Variants in PROM1 observed in about 807,000 individuals in gnomAD.
PROM1 encodes prominin-1.
A neutral mutation model predicts 116.9 loss-of-function variants in PROM1; 105 were observed. The observed-to-expected ratio is 0.90, with a 90% CI of 0.77 to 1.06. The LOEUF (loss-of-function observed/expected upper bound fraction) is 1.06, where lower values mean the gene tolerates loss of function less well. PROM1 is among the 50% of genes least tolerant of loss of function. The pLI, the probability that PROM1 is intolerant of heterozygous loss-of-function variation, is 0.00. For synonymous variants in PROM1, 393 were observed against 387.0 expected (o/e 1.02, Z -0.18); for missense variants, 1,122 against 1,045.2 (o/e 1.07, Z -1.01).
At chr4:16,027,570 C>T (rs1343478207) in intron 5 of PROM1, among the ~76,000 whole-genome samples, 1 of 152,192 alleles carries the variant, frequency 6.6e-6, no homozygotes, top group Non-Finnish European at 1.5e-5. Flanking sequence ...CTGACCCCTC[C>T]ACCCATCCCC....
At chr4:16,039,781 C>T (rs1453624814) in intron 2 of PROM1, among the ~76,000 whole-genome samples, 1 of 151,984 alleles carries the variant, frequency 6.6e-6, no homozygotes. Context: ...TTCCTGTCTC[C>T]AAGCAGTGCA....
chr4:16,040,123 C>T (rs1012810127), intron 2 of PROM1, among the ~76,000 whole-genome samples: 3 of 152,174 alleles, frequency 2.0e-5, no homozygotes, highest in Non-Finnish European at 2.9e-5. Flanking sequence ...GCAAACGAAA[C>T]ACTACATCAA....
At chr4:16,028,899 T>C (rs567051020) in intron 5 of PROM1, among the ~76,000 whole-genome samples, 2 of 152,342 alleles carry the variant, frequency 1.3e-5, no homozygotes, top group Non-Finnish European at 2.9e-5. Flanking sequence ...TATTTTATTA[T>C]GGAAAAAACA....
chr4:16,032,426 C>T (rs1426504224), intron 5 of PROM1, among the ~76,000 whole-genome samples: 1 of 152,172 alleles, frequency 6.6e-6, no homozygotes, highest in African/African-American at 2.4e-5. Flanking sequence ...ATATCACTTC[C>T]TTAGTAAAAC....
intron 10 of PROM1, among the ~76,000 whole-genome samples, chr4:16,014,175 G>A (rs1727680672): frequency 6.6e-6 from 1 of 152,100 alleles, no homozygotes; most frequent in Non-Finnish European, 1.5e-5. Flanking sequence ...CGTCTGCCAG[G>A]GAAAAGTACA....
rs138802268 is a variant in PROM1, at chr4:16,040,779, C to T, written c.221-1778G>A. Among the ~76,000 whole-genome samples, 17 of 152,238 alleles carry T rather than the reference C, an allele frequency of 1.1e-4. No homozygotes were observed. In the East Asian group the frequency reaches 3.3e-3, roughly 29 times the overall value. On this transcript the variant is annotated intron_variant, in intron 2 of 27. Transcript: ENST00000447510. ...ACAGTGGGCACATGGTATATACCTG[C>T]TATCATTATATGAAGGAATTTAGAG...
intron 17 of PROM1, among the ~76,000 whole-genome samples, chr4:15,991,778 CA>C (rs944464948): frequency 1.7e-4 from 25 of 151,028 alleles, no homozygotes; most frequent in Non-Finnish European, 3.2e-4. Flanking sequence ...ACTAAAAATA[CA>C]AAAAAAGTTA....
chr4:16,083,957 G>C (rs1560647368), intron 1 of PROM1, 21 bp downstream of exon 1: 2 of 152,272 alleles, frequency 1.3e-5, no homozygotes, highest in Non-Finnish European at 2.9e-5. Flanking sequence ...GTAATGGAAA[G>C]GATTCCTTAA....
intron 5 of PROM1, among the ~76,000 whole-genome samples, chr4:16,027,212 C>T (rs1413714315): frequency 1.3e-5 from 2 of 152,026 alleles, no homozygotes; most frequent in Non-Finnish European, 2.9e-5. Context: ...CAATGCACTA[C>T]AGCAATAAGA....
chr4:16,056,392 C>A (rs1224131281), intron 2 of PROM1, among the ~76,000 whole-genome samples: 1 of 152,064 alleles, frequency 6.6e-6, no homozygotes, highest in Admixed American at 6.6e-5. Context: ...CGCTCTTGCA[C>A]GCAACAATTA....
intron 9 of PROM1, among the ~76,000 whole-genome samples, chr4:16,016,732 C>A (rs973170098): frequency 2.0e-5 from 3 of 152,168 alleles, no homozygotes; most frequent in African/African-American, 7.2e-5. Flanking sequence ...AATATCACTA[C>A]TGTGATAGTT....
intron 2 of PROM1, among the ~76,000 whole-genome samples, chr4:16,051,744 C>T (rs77046759): frequency 1.2e-3 from 186 of 152,274 alleles, no homozygotes; most frequent in African/African-American, 4.3e-3. Flanking sequence ...TGGTTTTTCT[C>T]CCAGCCGAGC....
intron 26 of PROM1, among the ~76,000 whole-genome samples, chr4:15,972,985 T>C (rs563808346): frequency 2.3e-4 from 35 of 152,252 alleles, no homozygotes; most frequent in African/African-American, 7.7e-4. Flanking sequence ...AGGAAGGTCC[T>C]GGCCCCCGAA....
intron 3 of PROM1, among the ~76,000 whole-genome samples, chr4:16,036,232 C>T (rs1032574201): frequency 6.6e-6 from 1 of 152,200 alleles, no homozygotes; most frequent in Non-Finnish European, 1.5e-5. Context: ...TTATTCCAAA[C>T]ATCTCAATGT....
intron 11 of PROM1, among the ~76,000 whole-genome samples, chr4:16,012,497 A>G (rs1351624910): frequency 6.6e-6 from 1 of 152,208 alleles, no homozygotes; most frequent in African/African-American, 2.4e-5. Context: ...AGCCTAAAAT[A>G]CTACTGCCTC....
intron 24 of PROM1, 141 bp downstream of exon 24, chr4:15,980,281 A>G (rs1717427538): frequency 1.5e-6 from 1 of 685,724 alleles, no homozygotes; most frequent in Admixed American, 2.5e-5. Flanking sequence ...ATTCACCTGA[A>G]CAGAAGTGAC....
chr4:16,044,280 T>C (rs1736007018), intron 2 of PROM1, among the ~76,000 whole-genome samples: 1 of 152,222 alleles, frequency 6.6e-6, no homozygotes, highest in African/African-American at 2.4e-5. Context: ...AGTGAAATTC[T>C]ATCCCTATAA....
chr4:15,979,461 A>T lies in PROM1; in HGVS notation c.2516T>A (p.Met839Lys). The change falls in exon 26 of 28, where the codon ATG (methionine) becomes AAG (lysine). Residue 839 changes from methionine to lysine, a missense_variant and splice_region_variant. Physicochemically the swap from Met to Lys is moderately conservative, Grantham distance 95. Transcript: ENST00000447510. ...DDVETIPMKN[M>K]ENGNNGYHKD... ...ATGATAACCATTATTACCATTTTCCATACTGTAACAGAAATAAATACACCA... is the reference window on the plus strand; with the variant it reads ...ATGATAACCATTATTACCATTTTCCTTACTGTAACAGAAATAAATACACCA... 1 of 1,609,678 alleles carries T rather than the reference A, an allele frequency of 6.2e-7. No individual in the cohort carries two copies. The highest frequency in any genetic ancestry group is 8.5e-7 in the Non-Finnish European group (1 of 1,177,692).
chr4:16,025,447 C>T (rs1731017129), intron 5 of PROM1, 135 bp from the exon 6 acceptor site: 2 of 1,091,214 alleles, frequency 1.8e-6, no homozygotes, highest in Non-Finnish European at 2.6e-6. Flanking sequence ...CTGCCCTCTC[C>T]TCCCACATCC....
Sources: allele counts gnomAD v4.1 joint callset (sites outside exome capture counted in the v4.1 genomes callset), GRCh38; gene constraint gnomAD v4.1.1; transcripts MANE v1.5; gene names NCBI Gene and HGNC (gene_info 2026-07-23, HGNC 2026-07-21).